The following DCDC1 variants were observed in gnomAD, a reference collection of about 807,000 sequenced individuals.
DCDC1 encodes the protein doublecortin domain containing 1, also known as doublecortin domain-containing protein 1.
A neutral mutation model predicts 178.3 loss-of-function variants in DCDC1; 200 were observed. The ratio of observed to expected loss-of-function variants is 1.12; its 90% confidence interval spans 1.00 to 1.26. The LOEUF is 1.26. Ranked by LOEUF, DCDC1 falls within the 50% of genes most tolerant of loss-of-function variation. The pLI is 0.00. For synonymous variants in DCDC1, 690 were observed against 604.8 expected (o/e 1.14, Z -2.07); for missense variants, 1,983 against 1,749.2 (o/e 1.13, Z -2.38).
At chr11:31,335,199 C>A (rs1202380242) in intron 2 of DCDC1, among the ~76,000 whole-genome samples, 6 of 152,194 alleles carry the variant, frequency 3.9e-5, no homozygotes. Context: ...GGCATGGGAC[C>A]CACTGAAGCA....
intron 9 of DCDC1, among the ~76,000 whole-genome samples, chr11:31,140,840 A>G (rs755799581): frequency 2.6e-5 from 4 of 152,222 alleles, no homozygotes; most frequent in Non-Finnish European, 4.4e-5. Flanking sequence ...CTTCCAAACT[A>G]TATCAGTTTA....
chr11:31,296,852 T>TGG (rs56749227), intron 6 of DCDC1, among the ~76,000 whole-genome samples: 59 of 151,736 alleles, frequency 3.9e-4, no homozygotes, highest in Admixed American at 2.2e-3. Context: ...GAAAACAGCA[T>TGG]GGGGGGGACC....
intron 9 of DCDC1, among the ~76,000 whole-genome samples, chr11:31,188,378 T>C (rs543263172): frequency 7.9e-5 from 12 of 152,294 alleles, no homozygotes; most frequent in Admixed American, 7.2e-4. Context: ...TGAATTTCTT[T>C]AGTGCATCTA....
chr11:31,081,812 T>C (rs1957194046), intron 17 of DCDC1, among the ~76,000 whole-genome samples: 1 of 152,154 alleles, frequency 6.6e-6, no homozygotes, highest in Non-Finnish European at 1.5e-5. Context: ...CTTAAATCTA[T>C]AAATGTTGTC....
Position 31,250,415 on chromosome 11 carries a change from CAT to C in DCDC1, c.1055-8801_1055-8800del, listed in dbSNP as rs753411919. ...ACACACACACACACACACACACACACATATACATATATATGTATATATATATA... is the reference window on the plus strand; with the variant it reads ...ACACACACACACACACACACACACACATACATATATATGTATATATATATA... On this transcript the variant is annotated intron_variant, in intron 8 of 38. Coordinates refer to ENST00000684477, the MANE Select transcript of DCDC1 (RefSeq NM_001387274.1). Among the ~76,000 whole-genome samples the C allele has an allele frequency of 6.7e-4, 49 of 73,682 alleles. 5 individuals carry two copies. Among genetic ancestry groups the C allele is most frequent in the South Asian group, 2.2e-3 (4 of 1,858 alleles). 48.3% of individuals were successfully genotyped at this position (73,682 alleles called of 152,430 possible). A position where few individuals can be genotyped will look rare whatever the true frequency, so the allele number is the denominator to read the frequency against.
intron 9 of DCDC1, among the ~76,000 whole-genome samples, chr11:31,173,718 A>G (rs1471557841): frequency 1.3e-5 from 2 of 149,886 alleles, no homozygotes; most frequent in African/African-American, 4.9e-5. Flanking sequence ...AGATTTCCCC[A>G]TGTTCCTCTT....
intron 29 of DCDC1, among the ~76,000 whole-genome samples, chr11:30,907,157 T>G: frequency 6.6e-6 from 1 of 152,166 alleles, no homozygotes; most frequent in East Asian, 1.9e-4. Flanking sequence ...CTAAAACATT[T>G]TGAAAATGTT....
chr11:31,101,944 G>A (rs1033617456), intron 15 of DCDC1, among the ~76,000 whole-genome samples: 7 of 152,066 alleles, frequency 4.6e-5, no homozygotes, highest in African/African-American at 1.7e-4. Flanking sequence ...AGGCATGGTG[G>A]CGCGTGCCTG....
At chr11:31,138,442 G>C (rs1963427319) in intron 9 of DCDC1, among the ~76,000 whole-genome samples, 1 of 152,108 alleles carries the variant, frequency 6.6e-6, no homozygotes, top group South Asian at 2.1e-4. Context: ...ACATGCAATT[G>C]TTATGTTTTA....
At chr11:31,003,968 G>C (rs1000348383) in intron 20 of DCDC1, among the ~76,000 whole-genome samples, 1 of 152,130 alleles carries the variant, frequency 6.6e-6, no homozygotes, top group Non-Finnish European at 1.5e-5. Context: ...TGACGGCTAG[G>C]TTTCTGCTTG....
intron 35 of DCDC1, among the ~76,000 whole-genome samples, chr11:30,893,210 GAAT>G (rs1285155022): frequency 1.3e-5 from 2 of 152,048 alleles, no homozygotes; most frequent in East Asian, 1.9e-4. Flanking sequence ...ACAATCATTA[GAAT>G]AATAATAATA....
intron 5 of DCDC1, 86 bp downstream of exon 5, chr11:31,306,146 A>G: frequency 8.2e-7 from 1 of 1,224,656 alleles, no homozygotes; most frequent in South Asian, 2.5e-5. Flanking sequence ...AAAAGAAAAT[A>G]TTAACAATAA....
intron 8 of DCDC1, among the ~76,000 whole-genome samples, chr11:31,250,808 G>C (rs1280717340): frequency 6.6e-6 from 1 of 151,112 alleles, no homozygotes; most frequent in African/African-American, 2.4e-5. Flanking sequence ...AGGCTGGAGT[G>C]CAGTGGCGTG....
At chr11:30,994,962 A>G (rs1199870625) in intron 20 of DCDC1, among the ~76,000 whole-genome samples, 1 of 151,458 alleles carries the variant, frequency 6.6e-6, no homozygotes, top group Non-Finnish European at 1.5e-5. Context: ...AATGAAAGGC[A>G]TACAGGCTGG....
chr11:31,327,294 G>A (rs1018284126), intron 3 of DCDC1, among the ~76,000 whole-genome samples: 7 of 151,840 alleles, frequency 4.6e-5, no homozygotes, highest in Non-Finnish European at 7.4e-5. Flanking sequence ...TCAGCCTCCC[G>A]AGTAGCTGGG....
In DCDC1 at chr11:31,028,938, C is replaced by T. The variant is rs147109367; in HGVS notation, c.2591+35531G>A. Among the ~76,000 whole-genome samples, 5 of 152,010 alleles carry T rather than the reference C, an allele frequency of 3.3e-5. No individual in the cohort carries two copies. In the East Asian group the frequency reaches 9.7e-4, roughly 29 times the overall value. On this transcript the variant is annotated intron_variant, in intron 20 of 38. Transcript: ENST00000684477. The stretch of plus-strand genomic sequence containing the variant: ...AAGTCAACACGCTTTCAGTTTACTC[C>T]CTGTTTGAATTAAGCTAAGTATGAC...
At chr11:30,958,173 T>A (rs1229095687) in intron 20 of DCDC1, among the ~76,000 whole-genome samples, 1 of 152,158 alleles carries the variant, frequency 6.6e-6, no homozygotes, top group Non-Finnish European at 1.5e-5. Context: ...TTTCACCTGC[T>A]GATCAGAAGC....
At chr11:30,895,932 G>T (rs552628812) in intron 34 of DCDC1, among the ~76,000 whole-genome samples, 1 of 152,106 alleles carries the variant, frequency 6.6e-6, no homozygotes, top group South Asian at 2.1e-4. Flanking sequence ...CTAAAATTTT[G>T]CTCAACTACA....
At chr11:31,033,530 A>G (rs1418709978) in intron 20 of DCDC1, among the ~76,000 whole-genome samples, 1 of 152,278 alleles carries the variant, frequency 6.6e-6, no homozygotes, top group Non-Finnish European at 1.5e-5. Flanking sequence ...GTATAAATTC[A>G]TGAATATTTA....
Sources: gnomAD v4.1 joint callset for allele counts (sites outside exome capture counted in the v4.1 genomes callset) on GRCh38, gnomAD v4.1.1 for gene constraint, MANE v1.5 for transcripts, NCBI Gene and HGNC (gene_info 2026-07-23, HGNC 2026-07-21) for gene names.